GPR141: variants seen among roughly 807,000 people sequenced by gnomAD.
GPR141 encodes the protein G protein-coupled receptor 141.
GPR141 carries 6 observed loss-of-function variants against 6.8 expected under a neutral mutation model. The ratio of observed to expected loss-of-function variants is 0.88; its 90% CI spans 0.48 to 1.74. The LOEUF (loss-of-function observed/expected upper bound fraction) is 1.74, where lower values mean the gene tolerates loss of function less well. Among genes scored for constraint, GPR141 ranks in the 40% most tolerant of loss-of-function variants. The pLI, the probability that GPR141 is intolerant of heterozygous loss-of-function variation, is 0.01. For synonymous variants in GPR141, 140 were observed against 142.3 expected, an observed-to-expected ratio of 0.98 and a Z score of 0.11; for missense variants, 372 against 372.9, an observed-to-expected ratio of 1.00 and a Z score of 0.02.
chr7:37,691,317 C>G (rs530014227), intron 2 of GPR141, among the ~76,000 whole-genome samples: 2 of 101,258 alleles, frequency 2.0e-5, no homozygotes, highest in Admixed American at 2.6e-4. Context: ...TTTTTTGAGA[C>G]AGAGTCTCGC....
At chr7:37,715,837 A>T (rs1319897075) in intron 2 of GPR141, among the ~76,000 whole-genome samples, 1 of 152,192 alleles carries the variant, frequency 6.6e-6, no homozygotes, top group East Asian at 1.9e-4. Context: ...TAGGCCGCCA[A>T]TGCACACATT....
Position 37,735,090 on chromosome 7 carries a change from G to C in GPR141, c.-14-5290G>C, listed in dbSNP as rs753496660. Among the ~76,000 whole-genome samples the C allele has an allele frequency of 3.3e-5, 5 of 152,196 alleles. No individual in the cohort carries two copies. In the South Asian group the frequency reaches 1.0e-3, roughly 32 times the overall value. On this transcript the variant is annotated intron_variant, in intron 2 of 2. Transcript: ENST00000334425. ...AACATTAAAAATTGCGTTAGCTTCT[G>C]CATCTTCATGGGATGGAAGGTTGAT...
chr7:37,718,545 A>C (rs1421727565), intron 2 of GPR141, among the ~76,000 whole-genome samples: 1 of 151,966 alleles, frequency 6.6e-6, no homozygotes, highest in Non-Finnish European at 1.5e-5. Flanking sequence ...GGAAGGAAGG[A>C]AGGAAGGAAG....
intron 2 of GPR141, among the ~76,000 whole-genome samples, chr7:37,699,422 G>T (rs866566325): frequency 6.6e-6 from 1 of 152,178 alleles, no homozygotes; most frequent in Non-Finnish European, 1.5e-5. Flanking sequence ...TTAGCCGGGC[G>T]TGGTGGCGGG....
chr7:37,705,388 T>G (rs148648771), intron 2 of GPR141, among the ~76,000 whole-genome samples: 1 of 152,334 alleles, frequency 6.6e-6, no homozygotes, highest in African/African-American at 2.4e-5. Context: ...ATCTAGAGAA[T>G]GTATTCTCCA....
chr7:37,712,235 A>T (rs977628142), intron 2 of GPR141, among the ~76,000 whole-genome samples: 23 of 152,186 alleles, frequency 1.5e-4, no homozygotes, highest in African/African-American at 5.6e-4. Context: ...TTTGGTACAC[A>T]GCAAGAGAGA....
intron 2 of GPR141, chr7:37,709,797 A>G (rs2131782320): frequency 6.6e-6 from 1 of 152,340 alleles, no homozygotes; most frequent in East Asian, 1.9e-4. Flanking sequence ...TCAATGGGCC[A>G]AGGTAAGTAC....
intron 2 of GPR141, among the ~76,000 whole-genome samples, chr7:37,736,436 C>A (rs1583579006): frequency 1.4e-5 from 2 of 145,174 alleles, no homozygotes; most frequent in Non-Finnish European, 3.0e-5. Context: ...GATTATTTCC[C>A]AAAAGTGACA....
chr7:37,728,291 G>A lies in GPR141; in HGVS notation c.-14-12089G>A, dbSNP rs142801653. On this transcript the variant is annotated intron_variant, in intron 2 of 2. Transcript: ENST00000334425. ...AAACAGGAGATTTAAAAGCGGTGATGTGTTTTATTCATTTCAGAATCTTTG... is the reference window on the plus strand; with the variant it reads ...AAACAGGAGATTTAAAAGCGGTGATATGTTTTATTCATTTCAGAATCTTTG... Among the ~76,000 whole-genome samples, 38 of 152,304 alleles carry A rather than the reference G, an allele frequency of 2.5e-4. No individual in the cohort carries two copies. The East Asian group carries it at 6.6e-3, about 26-fold the overall frequency.
chr7:37,729,824 ATGT>A (rs1386246071), intron 2 of GPR141: 4 of 152,252 alleles, frequency 2.6e-5, no homozygotes, highest in African/African-American at 9.6e-5. Flanking sequence ...ACTGTTGTTA[ATGT>A]TGTTTAAAAA....
Position 37,742,297 on chromosome 7 carries a change from G to A in GPR141, c.*986G>A, listed in dbSNP as rs2718039. Among the ~76,000 whole-genome samples, 33,170 of 151,780 alleles carry A rather than the reference G, an allele frequency of 0.22. 4,402 individuals carry two copies. Among genetic ancestry groups the A allele is most frequent in the Non-Finnish European group, 0.3 (20,323 of 67,896 alleles). ...AAGTTCTGGGGTACATGTGCAGAATGTGCAGGTTTGTTACATAGGTATACA... is the reference window on the plus strand; with the variant it reads ...AAGTTCTGGGGTACATGTGCAGAATATGCAGGTTTGTTACATAGGTATACA... On this transcript the variant is annotated 3_prime_UTR_variant, in exon 3 of 3. Coordinates refer to ENST00000334425, the MANE Select transcript of GPR141 (RefSeq NM_001381946.1).
intron 2 of GPR141, among the ~76,000 whole-genome samples, chr7:37,739,328 A>C (rs1438807653): frequency 6.6e-6 from 1 of 152,208 alleles, no homozygotes; most frequent in African/African-American, 2.4e-5. Context: ...CAATTGTTCA[A>C]GTCAGAAATC....
At chr7:37,715,822 A>G (rs1039225997) in intron 2 of GPR141, among the ~76,000 whole-genome samples, 2 of 152,176 alleles carry the variant, frequency 1.3e-5, no homozygotes, top group African/African-American at 4.8e-5. Context: ...TGGTGGCAGC[A>G]TTTGTAGGCC....
chr7:37,699,371 C>G (rs539268086), intron 2 of GPR141, among the ~76,000 whole-genome samples: 28 of 152,276 alleles, frequency 1.8e-4, no homozygotes, highest in African/African-American at 6.7e-4. Flanking sequence ...ACCATCCTGG[C>G]TAACACGGTG....
intron 2 of GPR141, among the ~76,000 whole-genome samples, chr7:37,727,845 C>T (rs958993489): frequency 6.6e-6 from 1 of 152,178 alleles, no homozygotes; most frequent in Non-Finnish European, 1.5e-5. Context: ...ATTTAGTATT[C>T]TAAAATTCCC....
At chr7:37,740,179 A>G (rs1237580719) in intron 2 of GPR141, among the ~76,000 whole-genome samples, 1 of 152,232 alleles carries the variant, frequency 6.6e-6, no homozygotes, top group Non-Finnish European at 1.5e-5. Context: ...TATTCCTATT[A>G]AAGAGTAAGA....
intron 2 of GPR141, among the ~76,000 whole-genome samples, chr7:37,708,568 A>G (rs529018960): frequency 6.6e-6 from 1 of 152,160 alleles, no homozygotes; most frequent in African/African-American, 2.4e-5. Context: ...ATCATGCTGT[A>G]CATACAGTAA....
chr7:37,722,785 C>T (rs1319444514), intron 2 of GPR141, among the ~76,000 whole-genome samples: 2 of 150,808 alleles, frequency 1.3e-5, no homozygotes, highest in African/African-American at 4.9e-5. Flanking sequence ...ACATTACTAG[C>T]AAAAAACATG....
At chr7:37,711,072 C>T (rs972791854) in intron 2 of GPR141, among the ~76,000 whole-genome samples, 6 of 152,124 alleles carry the variant, frequency 3.9e-5, no homozygotes, top group South Asian at 2.1e-4. Context: ...CACAGAGCTA[C>T]GGGGGTCTAC....
Sources: allele counts gnomAD v4.1 joint callset (sites outside exome capture counted in the v4.1 genomes callset), GRCh38; gene constraint gnomAD v4.1.1; transcripts MANE v1.5; gene names NCBI Gene and HGNC (gene_info 2026-07-23, HGNC 2026-07-21).